The following ETV6 variants were observed in gnomAD, a reference collection of about 807,000 sequenced individuals.
ETV6 encodes the protein transcription factor ETV6.
ETV6 carries 16 observed loss-of-function variants against 51.1 expected under a neutral mutation model. The ratio of observed to expected loss-of-function variants is 0.31; its 90% CI spans 0.21 to 0.48. The LOEUF is 0.48. Ranked by LOEUF, ETV6 falls within the 20% of genes least tolerant of loss-of-function variation. The pLI, the probability that ETV6 is intolerant of heterozygous loss-of-function variation, is 0.99. For missense variants in ETV6, 458 were observed against 594.8 expected (o/e 0.77, Z 2.39); for synonymous variants, 240 against 224.1 (o/e 1.07, Z -0.64).
intron 2 of ETV6, among the ~76,000 whole-genome samples, chr12:11,812,876 C>G (rs1365959803): frequency 6.6e-6 from 1 of 152,222 alleles, no homozygotes; most frequent in East Asian, 1.9e-4. Context: ...CCTAAAGCTG[C>G]ATGGAGACCC....
chr12:11,830,658 G>T (rs1946229638), intron 2 of ETV6, among the ~76,000 whole-genome samples: 1 of 152,202 alleles, frequency 6.6e-6, no homozygotes, highest in Non-Finnish European at 1.5e-5. Flanking sequence ...CCTAGGAATG[G>T]AAATCTTTGG....
Position 11,893,841 on chromosome 12 carries a change from TACACAC to T in ETV6, c.*2805_*2810del, listed in dbSNP as rs61009195. On this transcript the variant is annotated 3_prime_UTR_variant, in exon 8 of 8. Transcript: ENST00000396373. ...ATATATATATATATATATATATATA[TACACAC>T]ACACACACATACACAAATATTCCAG... The T allele has an allele frequency of 4.9e-4, 28 of 57,318 alleles. 1 individual carries two copies. In the South Asian group the frequency reaches 8.7e-3, roughly 18 times the overall value. 3.6% of individuals were successfully genotyped at this position (57,318 alleles called of 1,614,324 possible). A position where few individuals can be genotyped will look rare whatever the true frequency, so the allele number is the denominator to read the frequency against.
intron 2 of ETV6, among the ~76,000 whole-genome samples, chr12:11,763,835 T>C (rs1318622886): frequency 6.6e-6 from 1 of 152,200 alleles, no homozygotes; most frequent in Admixed American, 6.5e-5. Context: ...TAAAGGAGTA[T>C]TGAGATTCAG....
intron 1 of ETV6, among the ~76,000 whole-genome samples, chr12:11,740,009 AGAGT>A (rs1865780696): frequency 6.6e-6 from 1 of 152,210 alleles, no homozygotes; most frequent in Admixed American, 6.5e-5. Context: ...GGTTTTAATA[AGAGT>A]AAGTTAATTG....
intron 1 of ETV6, among the ~76,000 whole-genome samples, chr12:11,673,110 CTG>C (rs1864350319): frequency 6.6e-6 from 1 of 152,152 alleles, no homozygotes; most frequent in Non-Finnish European, 1.5e-5. Flanking sequence ...AGCTGGGTAA[CTG>C]TGCAGGGCTC....
chr12:11,738,703 G>A (rs1486487275), intron 1 of ETV6, among the ~76,000 whole-genome samples: 1 of 152,098 alleles, frequency 6.6e-6, no homozygotes, highest in Non-Finnish European at 1.5e-5. Context: ...TAGGAACTTC[G>A]AGTCAGGTAT....
chr12:11,780,348 T>G (rs1244981003), intron 2 of ETV6, among the ~76,000 whole-genome samples: 1 of 152,186 alleles, frequency 6.6e-6, no homozygotes, highest in Non-Finnish European at 1.5e-5. Flanking sequence ...TTTACTGCCC[T>G]GGGACAACAG....
chr12:11,839,039 A>G, intron 2 of ETV6, 101 bp from the exon 3 acceptor site: 1 of 1,233,422 alleles, frequency 8.1e-7, no homozygotes, highest in Non-Finnish European at 1.1e-6. Flanking sequence ...AGATGTGGAG[A>G]CTCATTTTGT....
Position 11,892,001 on chromosome 12 carries a change from G to A in ETV6, c.*955G>A, listed in dbSNP as rs571980166. Reference sequence around the variant, plus strand: ...CTGTCCAAGTTATTTGGAAGGCCTCGGCAGCTTGGGATTAGCTTGGGAGCG... The same window carrying A: ...CTGTCCAAGTTATTTGGAAGGCCTCAGCAGCTTGGGATTAGCTTGGGAGCG... On this transcript the variant is annotated 3_prime_UTR_variant, in exon 8 of 8. Coordinates refer to ENST00000396373, the MANE Select transcript of ETV6 (RefSeq NM_001987.5). 10 of 233,638 alleles carry A rather than the reference G, an allele frequency of 4.3e-5. No homozygotes were observed. The South Asian group carries it at 7.1e-4, about 17-fold the overall frequency. The allele number at this position is 233,638 out of a possible 1,614,324, so 14.5% of individuals were successfully genotyped here.
At chr12:11,794,435 C>T (rs139384293) in intron 2 of ETV6, among the ~76,000 whole-genome samples, 3 of 152,286 alleles carry the variant, frequency 2.0e-5, no homozygotes, top group Non-Finnish European at 2.9e-5. Flanking sequence ...AGGCGTTTGG[C>T]GCCTCTCTGC....
chr12:11,880,032 TAAAAAAA>T (rs59152213), intron 5 of ETV6, among the ~76,000 whole-genome samples: 13 of 117,870 alleles, frequency 1.1e-4, no homozygotes, highest in Middle Eastern at 4.8e-3. Context: ...GTCAATTGTT[TAAAAAAA>T]AAAAAAAAAA....
intron 5 of ETV6, among the ~76,000 whole-genome samples, chr12:11,872,353 G>A (rs1200128500): frequency 6.6e-6 from 1 of 152,172 alleles, no homozygotes. Flanking sequence ...CCTCCCAGGT[G>A]ACACTGCCTT....
At position 11,839,285 on chromosome 12, in the gene ETV6, C is replaced by G; in HGVS notation, c.309C>G (p.Arg103=). ...TGCTGCTGACCAAAGAGGACTTTCG[C>G]TATCGATCTCCTCATTCAGGTGAGA... ...ALLLLTKEDF[R]YRSPHSGDVL... Residue 103 remains arginine, a synonymous_variant, in exon 3 of 8, where the codon CGC becomes CGG. Coordinates refer to ENST00000396373, the MANE Select transcript of ETV6 (RefSeq NM_001987.5). 1 of 1,613,804 alleles carries G rather than the reference C, an allele frequency of 6.2e-7. No homozygotes were observed.
chr12:11,753,045 T>G (rs1179501426), intron 2 of ETV6, among the ~76,000 whole-genome samples: 2 of 152,100 alleles, frequency 1.3e-5, no homozygotes, highest in Non-Finnish European at 2.9e-5. Context: ...CTCCCCTCCC[T>G]GTCTGTGCTG....
At chr12:11,715,697 T>G (rs562585981) in intron 1 of ETV6, among the ~76,000 whole-genome samples, 16 of 152,328 alleles carry the variant, frequency 1.1e-4, no homozygotes, top group Admixed American at 3.9e-4. Context: ...GGATGCAGTT[T>G]TGTTTTCTTT....
chr12:11,752,419 C>A (rs1019811151), intron 1 of ETV6, 31 bp from the exon 2 acceptor site: 13 of 1,595,342 alleles, frequency 8.1e-6, no homozygotes, highest in South Asian at 1.1e-5. Flanking sequence ...TCTCTCTCCC[C>A]CTCCCCTCTT....
chr12:11,825,080 C>G (rs1946133417), intron 2 of ETV6, among the ~76,000 whole-genome samples: 1 of 152,150 alleles, frequency 6.6e-6, no homozygotes, highest in African/African-American at 2.4e-5. Context: ...AACAACATGC[C>G]TTTAGAACAA....
At chr12:11,876,351 G>A (rs1253901793) in intron 5 of ETV6, among the ~76,000 whole-genome samples, 1 of 152,226 alleles carries the variant, frequency 6.6e-6, no homozygotes, top group Non-Finnish European at 1.5e-5. Flanking sequence ...ATAGGGCACT[G>A]CATCTCTAAA....
chr12:11,730,693 G>A (rs1378517662), intron 1 of ETV6, among the ~76,000 whole-genome samples: 1 of 152,208 alleles, frequency 6.6e-6, no homozygotes, highest in Non-Finnish European at 1.5e-5. Context: ...CGCAGAATGT[G>A]GGCGGACTTC....
Sources: gnomAD v4.1 joint callset for allele counts (sites outside exome capture counted in the v4.1 genomes callset) on GRCh38, gnomAD v4.1.1 for gene constraint, MANE v1.5 for transcripts, NCBI Gene and HGNC (gene_info 2026-07-23, HGNC 2026-07-21) for gene names.